Variants in ZBTB20 observed in about 807,000 individuals in gnomAD.
The protein encoded by ZBTB20 is zinc finger and BTB domain-containing protein 20.
ZBTB20 carries 9 observed loss-of-function variants against 56.9 expected under a neutral mutation model. The observed-to-expected ratio is 0.16, with a 90% CI of 0.10 to 0.28. The LOEUF is 0.28. Among genes scored for constraint, ZBTB20 ranks in the 10% least tolerant of loss-of-function variants. The pLI is 1.00. For synonymous variants in ZBTB20, 417 were observed against 420.7 expected (o/e 0.99, Z 0.11); for missense variants, 655 against 1,003.0 (o/e 0.65, Z 4.69).
intron 1 of ZBTB20, among the ~76,000 whole-genome samples, chr3:115,093,260 T>A (rs1453034643): frequency 1.3e-5 from 2 of 152,182 alleles, no homozygotes; most frequent in African/African-American, 4.8e-5. Flanking sequence ...ATGTTTTTTA[T>A]TCATATATTT....
chr3:114,826,875 T>C (rs1360727800), intron 4 of ZBTB20, among the ~76,000 whole-genome samples: 1 of 151,590 alleles, frequency 6.6e-6, no homozygotes, highest in Non-Finnish European at 1.5e-5. Context: ...AGAATAAAAT[T>C]GTGAAAGAAT....
chr3:114,501,569 T>C (rs1172891534), intron 6 of ZBTB20, among the ~76,000 whole-genome samples: 1 of 137,218 alleles, frequency 7.3e-6, no homozygotes, highest in Non-Finnish European at 1.5e-5. Flanking sequence ...GAGGTTGCAG[T>C]GAGCCCACAT....
intron 2 of ZBTB20, among the ~76,000 whole-genome samples, chr3:115,015,384 G>C (rs547909273): frequency 6.6e-6 from 1 of 151,856 alleles, no homozygotes; most frequent in South Asian, 2.1e-4. Flanking sequence ...GTGTGCCATG[G>C]TGGTTTGCTG....
At chr3:115,010,945 A>C (rs193001069) in intron 2 of ZBTB20, among the ~76,000 whole-genome samples, 14 of 152,094 alleles carry the variant, frequency 9.2e-5, no homozygotes, top group Admixed American at 3.9e-4. Flanking sequence ...AATTTAACAA[A>C]GAGAATAAAG....
chr3:114,576,756 T>A (rs181523489), intron 6 of ZBTB20, among the ~76,000 whole-genome samples: 1 of 149,302 alleles, frequency 6.7e-6, no homozygotes, highest in African/African-American at 2.4e-5. Flanking sequence ...ATTGCTAGAT[T>A]GATAAAAGCT....
At chr3:115,146,943 G>C (rs571431286) in intron 1 of ZBTB20, among the ~76,000 whole-genome samples, 2,306 of 151,088 alleles carry the variant, frequency 0.015, 35 homozygotes, top group South Asian at 0.049. Context: ...GCCGGGTCGG[G>C]CGAGGCAGCC....
intron 5 of ZBTB20, among the ~76,000 whole-genome samples, chr3:114,716,695 G>A (rs762411847): frequency 1.2e-4 from 19 of 152,116 alleles, no homozygotes; most frequent in South Asian, 2.1e-4. Flanking sequence ...TGGTTACAGC[G>A]TTGATTTTTC....
chr3:114,736,137 G>T (rs1298103377), intron 5 of ZBTB20, among the ~76,000 whole-genome samples: 1 of 152,182 alleles, frequency 6.6e-6, no homozygotes, highest in Non-Finnish European at 1.5e-5. Flanking sequence ...TCCTGGCTGT[G>T]TGACCTTGGA....
In ZBTB20 at chr3:115,147,207, T is replaced by C. The variant is rs2085030607; in HGVS notation, c.-703+12A>G. The C allele has an allele frequency of 6.6e-6, 1 of 150,958 alleles. No individual in the cohort carries two copies. Among genetic ancestry groups the C allele is most frequent in the African/African-American group, 2.4e-5 (1 of 41,020 alleles). The allele number at this position is 150,958 out of a possible 1,614,324, so 9.4% of individuals were successfully genotyped here. Reference sequence around the variant, plus strand: ...CGCCCGTCCCACAACAAATTAGAGTTTGTGGCATTACCTCCTCGCGCTCTT... The same window carrying C: ...CGCCCGTCCCACAACAAATTAGAGTCTGTGGCATTACCTCCTCGCGCTCTT... On this transcript the variant is annotated intron_variant, in intron 1 of 11. Transcript: ENST00000675478.
At chr3:114,952,307 C>G (rs1273135486) in intron 3 of ZBTB20, among the ~76,000 whole-genome samples, 1 of 151,958 alleles carries the variant, frequency 6.6e-6, no homozygotes, top group Non-Finnish European at 1.5e-5. Context: ...GGCCCAGTGT[C>G]CTCTCTGTCA....
At chr3:114,545,291 A>T (rs1310158831) in intron 6 of ZBTB20, among the ~76,000 whole-genome samples, 4 of 152,224 alleles carry the variant, frequency 2.6e-5, no homozygotes. Context: ...TTCCTTCTTC[A>T]GGGTGATCTG....
At chr3:114,902,438 A>G (rs1013840677) in intron 3 of ZBTB20, among the ~76,000 whole-genome samples, 4 of 152,200 alleles carry the variant, frequency 2.6e-5, no homozygotes, top group Admixed American at 6.6e-5. Flanking sequence ...CACAGCTCAC[A>G]TGAAGAAGTA....
intron 6 of ZBTB20, among the ~76,000 whole-genome samples, chr3:114,553,106 T>C (rs935494682): frequency 6.6e-6 from 1 of 152,200 alleles, no homozygotes; most frequent in Admixed American, 6.5e-5. Flanking sequence ...TATGTTTAAC[T>C]GGGCTTTTAG....
At chr3:114,408,311 C>T (rs2087547644) in intron 7 of ZBTB20, among the ~76,000 whole-genome samples, 1 of 152,198 alleles carries the variant, frequency 6.6e-6, no homozygotes, top group Non-Finnish European at 1.5e-5. Context: ...CAGACTAAAG[C>T]AGAAGTTCAG....
At chr3:114,823,578 T>G (rs552873689) in intron 4 of ZBTB20, among the ~76,000 whole-genome samples, 3 of 152,032 alleles carry the variant, frequency 2.0e-5, no homozygotes, top group Non-Finnish European at 4.4e-5. Flanking sequence ...ATTTTAAAAC[T>G]TATGCTAAAG....
intron 6 of ZBTB20, among the ~76,000 whole-genome samples, chr3:114,618,495 G>A (rs1278664503): frequency 6.6e-6 from 1 of 151,944 alleles, no homozygotes; most frequent in Admixed American, 6.6e-5. Context: ...TGGGCTCAAG[G>A]GATCCTCCTG....
intron 4 of ZBTB20, among the ~76,000 whole-genome samples, chr3:114,855,877 AAACAAC>A (rs373429122): frequency 4.9e-4 from 74 of 152,298 alleles, no homozygotes; most frequent in African/African-American, 1.8e-3. Flanking sequence ...TAGTCAGTCA[AAACAAC>A]AACAACAACA....
At chr3:114,889,573 G>T (rs1288599046) in intron 4 of ZBTB20, among the ~76,000 whole-genome samples, 1 of 151,948 alleles carries the variant, frequency 6.6e-6, no homozygotes, top group Non-Finnish European at 1.5e-5. Context: ...ACAATAATTT[G>T]CATTAAATGA....
intron 1 of ZBTB20, among the ~76,000 whole-genome samples, chr3:115,098,584 T>A (rs924522858): frequency 6.6e-6 from 1 of 152,170 alleles, no homozygotes; most frequent in Non-Finnish European, 1.5e-5. Context: ...AAAGCCAGCC[T>A]ATCCAGTTTA....
Sources: gnomAD v4.1 joint callset for allele counts (sites outside exome capture counted in the v4.1 genomes callset) on GRCh38, gnomAD v4.1.1 for gene constraint, MANE v1.5 for transcripts, NCBI Gene and HGNC (gene_info 2026-07-23, HGNC 2026-07-21) for gene names.